DPP10: variants seen among roughly 807,000 people sequenced by gnomAD.
DPP10 encodes inactive dipeptidyl peptidase 10.
DPP10 carries 33 observed loss-of-function variants against 120.9 expected under a neutral mutation model. The observed-to-expected ratio is 0.27, with a 90% CI of 0.21 to 0.37. DPP10 has a LOEUF of 0.37. Among genes scored for constraint, DPP10 ranks in the 10% least tolerant of loss-of-function variants. The pLI is 1.00. For missense variants in DPP10, 816 were observed against 942.8 expected, an observed-to-expected ratio of 0.87 and a Z score of 1.76; for synonymous variants, 337 against 326.1, an observed-to-expected ratio of 1.03 and a Z score of -0.36.
intron 3 of DPP10, among the ~76,000 whole-genome samples, chr2:115,384,614 A>T (rs1333843673): frequency 6.7e-6 from 1 of 148,668 alleles, no homozygotes; most frequent in African/African-American, 2.5e-5. Flanking sequence ...AGAAGAAGTG[A>T]AGGAAGAAGA....
intron 1 of DPP10, among the ~76,000 whole-genome samples, chr2:114,575,131 C>G (rs1689958275): frequency 6.6e-6 from 1 of 151,908 alleles, no homozygotes; most frequent in Non-Finnish European, 1.5e-5. Flanking sequence ...TTTGATGACG[C>G]TGAAAATGGA....
chr2:115,685,940 A>G (rs1447070035), intron 5 of DPP10, among the ~76,000 whole-genome samples: 2 of 152,088 alleles, frequency 1.3e-5, no homozygotes, highest in Non-Finnish European at 2.9e-5. Context: ...AAATTCAACT[A>G]CATGCTAAAG....
At chr2:115,736,875 C>T (rs572216831) in intron 8 of DPP10, among the ~76,000 whole-genome samples, 2 of 152,196 alleles carry the variant, frequency 1.3e-5, no homozygotes, top group Admixed American at 6.5e-5. Flanking sequence ...TTTCCTAAAC[C>T]TCCCTGTCAC....
intron 1 of DPP10, among the ~76,000 whole-genome samples, chr2:115,033,087 T>C (rs1281512230): frequency 6.6e-6 from 1 of 152,196 alleles, no homozygotes; most frequent in East Asian, 1.9e-4. Flanking sequence ...TCAGGTGATC[T>C]GTTCTTCACG....
chr2:115,198,149 CTAAT>C (rs2055423355), intron 1 of DPP10, among the ~76,000 whole-genome samples: 1 of 152,114 alleles, frequency 6.6e-6, no homozygotes, highest in South Asian at 2.1e-4. Context: ...TGCATGAAGA[CTAAT>C]TAAAATACAT....
intron 1 of DPP10, among the ~76,000 whole-genome samples, chr2:115,231,893 G>A (rs1002719086): frequency 6.6e-6 from 1 of 152,164 alleles, no homozygotes; most frequent in Non-Finnish European, 1.5e-5. Flanking sequence ...TGGAGAATCA[G>A]TAATGAGCAC....
chr2:114,612,283 T>G (rs949736775), intron 1 of DPP10, among the ~76,000 whole-genome samples: 15 of 152,144 alleles, frequency 9.9e-5, no homozygotes, highest in Non-Finnish European at 2.2e-4. Flanking sequence ...CTGCATCCCT[T>G]TTTATCCAGC....
intron 5 of DPP10, among the ~76,000 whole-genome samples, chr2:115,553,831 T>C (rs1358476444): frequency 6.6e-6 from 1 of 151,886 alleles, no homozygotes; most frequent in Non-Finnish European, 1.5e-5. Context: ...GTTTTTTTTT[T>C]CTTAAATGAT....
chr2:115,244,265 G>A (rs1337006596), intron 1 of DPP10, among the ~76,000 whole-genome samples: 1 of 146,416 alleles, frequency 6.8e-6, no homozygotes, highest in African/African-American at 2.6e-5. Flanking sequence ...GAGAGAGAGA[G>A]AGAGAGAGAG....
intron 1 of DPP10, among the ~76,000 whole-genome samples, chr2:115,266,106 G>A (rs1169339070): frequency 5.9e-5 from 9 of 152,084 alleles, no homozygotes; most frequent in African/African-American, 1.9e-4. Flanking sequence ...ATTTAGGAAT[G>A]GTTATCAGCA....
chr2:114,882,160 G>A (rs1465938365), intron 1 of DPP10, among the ~76,000 whole-genome samples: 1 of 151,882 alleles, frequency 6.6e-6, no homozygotes, highest in East Asian at 1.9e-4. Context: ...CCACTACTAG[G>A]TATCTACCCA....
chr2:115,293,801 ATG>A (rs1336489594), intron 1 of DPP10, among the ~76,000 whole-genome samples: 1 of 152,072 alleles, frequency 6.6e-6, no homozygotes, highest in Non-Finnish European at 1.5e-5. Flanking sequence ...GTAAAAATTC[ATG>A]CTTGATCCCT....
chr2:115,735,730 G>C (rs533518363), intron 8 of DPP10, among the ~76,000 whole-genome samples: 2 of 123,786 alleles, frequency 1.6e-5, no homozygotes, highest in Non-Finnish European at 3.2e-5. Context: ...ATGCGGTTTC[G>C]CTATGTTGGC....
chr2:115,264,577 A>C (rs2105772751), intron 1 of DPP10, among the ~76,000 whole-genome samples: 1 of 152,366 alleles, frequency 6.6e-6, no homozygotes, highest in South Asian at 2.1e-4. Context: ...AACCACAATA[A>C]GCCATTTCAA....
chr2:114,819,786 C>T (rs532465521), intron 1 of DPP10, among the ~76,000 whole-genome samples: 9 of 152,232 alleles, frequency 5.9e-5, no homozygotes, highest in East Asian at 3.9e-4. Context: ...GGTATCTATT[C>T]GTTATCAAAA....
At chr2:114,707,199 C>T (rs1700738433) in intron 1 of DPP10, 1 of 152,058 alleles carries the variant, frequency 6.6e-6, no homozygotes, top group Admixed American at 6.6e-5. Context: ...ACAAGACGAA[C>T]AATTACCTTT....
At chr2:115,046,638 T>C (rs1242818461) in intron 1 of DPP10, among the ~76,000 whole-genome samples, 2 of 152,118 alleles carry the variant, frequency 1.3e-5, no homozygotes, top group Non-Finnish European at 2.9e-5. Context: ...CTTACTTTAA[T>C]ATAGGGGACA....
chr2:114,839,892 T>C (rs1271744014), intron 1 of DPP10, among the ~76,000 whole-genome samples: 1 of 152,176 alleles, frequency 6.6e-6, no homozygotes, highest in East Asian at 1.9e-4. Context: ...AATAAACTAT[T>C]GGGTAGCATT....
chr2:115,312,215 C>T (rs2061607778), intron 2 of DPP10, among the ~76,000 whole-genome samples: 1 of 152,116 alleles, frequency 6.6e-6, no homozygotes, highest in Admixed American at 6.6e-5. Context: ...GAAGCAGACA[C>T]CCTACTTTAT....
Sources: allele counts gnomAD v4.1 joint callset (sites outside exome capture counted in the v4.1 genomes callset), GRCh38; gene constraint gnomAD v4.1.1; transcripts MANE v1.5; gene names NCBI Gene and HGNC (gene_info 2026-07-23, HGNC 2026-07-21).